SHFL: variants seen among roughly 807,000 people sequenced by gnomAD.
SHFL encodes the protein shiftless antiviral inhibitor of ribosomal frameshifting protein.
In SHFL, 12 loss-of-function variants were observed where a neutral mutation model predicts 34.7. The ratio of observed to expected loss-of-function variants is 0.35; its 90% CI spans 0.22 to 0.56. SHFL has a LOEUF of 0.56. SHFL is among the 20% of genes least tolerant of loss of function. The pLI is 0.88. For synonymous variants in SHFL, 148 were observed against 156.0 expected (o/e 0.95, Z 0.38); for missense variants, 278 against 411.1 (o/e 0.68, Z 2.80).
Position 10,091,341 on chromosome 19 carries a change from G to C in SHFL, c.476G>C (p.Arg159Pro). Reference sequence around the variant, plus strand: ...GCTGAGTTCCACTGCCCGAAGTGTCGGCACAACTTCCGGTGAGGGCGCTGA... The same window carrying C: ...GCTGAGTTCCACTGCCCGAAGTGTCCGCACAACTTCCGGTGAGGGCGCTGA... ...GLAEFHCPKC[R>P]HNFRGWAQMG... Residue 159 changes from arginine (R) to proline (P), a missense_variant, in exon 6 of 8, where the codon CGG becomes CCG. Arg to Pro is a moderately radical substitution (Grantham distance 103). This residue lies in a region of SHFL where 243 missense variants were observed against 386.2 expected (regional missense o/e 0.63). Coordinates refer to ENST00000253110, the MANE Select transcript of SHFL (RefSeq NM_018381.4). The surrounding 1 kb of genome is among the most constrained non-coding windows in gnomAD (Gnocchi z 8.2). 2.5e-6 allele frequency: 4 copies of C among 1,613,534 alleles called. No individual in the cohort carries two copies. Among genetic ancestry groups the C allele is most frequent in the Non-Finnish European group, 3.4e-6 (4 of 1,179,692 alleles).
Position 10,086,923 on chromosome 19 carries a change from TC to T in SHFL, c.22-3del. 1 of 1,613,240 alleles carries T rather than the reference TC, an allele frequency of 6.2e-7. No homozygotes were observed. Among genetic ancestry groups the T allele is most frequent in the South Asian group, 1.1e-5 (1 of 91,018 alleles). On this transcript the variant is annotated splice_region_variant and splice_polypyrimidine_tract_variant and intron_variant, in intron 1 of 7. Coordinates refer to ENST00000253110, the MANE Select transcript of SHFL (RefSeq NM_018381.4). The surrounding 1 kb of genome is among the most constrained non-coding windows in gnomAD (Gnocchi z 5.2). ...CCCCACCGGAACCCCCCTGTCTCCA[TC>T]CCAGCTGGAGAAGAGCGTCCGGCGC...
In SHFL at chr19:10,092,705, G is replaced by A; in HGVS notation, c.*403G>A. 2 of 1,613,992 alleles carry A rather than the reference G, an allele frequency of 1.2e-6. No individual in the cohort carries two copies. The highest frequency in any genetic ancestry group is 1.1e-5 in the South Asian group (1 of 91,078). ...CGGCTTCGGTAGTGGCCGCCGTGGT[G>A]CCACACACCGTTGAGGTTGGAGTGG... On this transcript the variant is annotated 3_prime_UTR_variant, in exon 8 of 8. Transcript: ENST00000253110.
rs763662125 is a variant in SHFL at position 10,091,054 on chromosome 19, T to C, written c.385-196T>C. Among the ~76,000 whole-genome samples, 1 of 152,178 alleles carries C rather than the reference T, an allele frequency of 6.6e-6. No individual in the cohort carries two copies. The highest frequency in any genetic ancestry group is 6.5e-5 in the Admixed American group (1 of 15,272). On this transcript the variant is annotated intron_variant, in intron 5 of 7. Coordinates refer to ENST00000253110, the MANE Select transcript of SHFL (RefSeq NM_018381.4). This position sits in a 1 kb window ranked among gnomAD's most constrained non-coding sequence, Gnocchi z 8.2. ...AAAAGAGGCAGGAAGCCAAGATGTG[T>C]AGTGTTTGCCAATTTCTGTGGTGTA... is the stretch of plus-strand genomic sequence containing the variant.
At chr19:10,089,013 TTGAG>T (rs1436687147) in intron 3 of SHFL, 7 of 304,604 alleles carry the variant, frequency 2.3e-5, no homozygotes, top group Admixed American at 1.6e-4. Flanking sequence ...GTAGCATTCA[TTGAG>T]TACTTCCCAC....
At chr19:10,087,414 T>C in intron 3 of SHFL, 114 bp downstream of exon 3, 1 of 1,118,172 alleles carries the variant, frequency 8.9e-7, no homozygotes, top group Non-Finnish European at 1.3e-6. Flanking sequence ...GACCAGGCAT[T>C]GTCGGTCCAT....
At position 10,091,571 on chromosome 19, in the gene SHFL, C is replaced by T. The variant is rs1385952821; in HGVS notation, c.584C>T (p.Pro195Leu). ...CTCCCCCCGCGCTGGGACCGGGACC[C>T]GGATCGCCGCAGCACCCACACTCAC... ...RILPPRWDRD[P>L]DRRSTHTHSC... The change falls in exon 7 of 8, where the codon CCG becomes CTG. Residue 195 changes from proline (P) to leucine (L), a missense_variant. Pro to Leu is a moderately conservative substitution (Grantham distance 98, BLOSUM62 -3). This residue lies in a region of SHFL where 243 missense variants were observed against 386.2 expected (regional missense o/e 0.63). Transcript: ENST00000253110. The surrounding 1 kb of genome is among the most constrained non-coding windows in gnomAD (Gnocchi z 8.2). 20 of 1,551,326 alleles carry T rather than the reference C, an allele frequency of 1.3e-5. No homozygotes were observed. The highest frequency in any genetic ancestry group is 3.6e-5 in the South Asian group (3 of 84,050).
At position 10,092,000 on chromosome 19, in the gene SHFL, C is replaced by G. The variant is rs563425462; in HGVS notation, c.644-70C>G. On this transcript the variant is annotated intron_variant, in intron 7 of 7. Coordinates refer to ENST00000253110, the MANE Select transcript of SHFL (RefSeq NM_018381.4). The surrounding 1 kb of genome is among the most constrained non-coding windows in gnomAD (Gnocchi z 8.2). ...GCTCCTCCCTAGAGCCCCGCGTGGC[C>G]TAAGTCCCCTCCTCCCCAGACTCTC... 9.2e-5 allele frequency: 147 copies of G among 1,599,806 alleles called. No individual in the cohort carries two copies. Among genetic ancestry groups the G allele is most frequent in the Non-Finnish European group, 1.1e-4 (134 of 1,173,706 alleles).
At chr19:10,089,855 G>C in intron 4 of SHFL, 43 bp from the exon 5 acceptor site, 1 of 1,599,820 alleles carries the variant, frequency 6.3e-7, no homozygotes, top group African/African-American at 1.3e-5. Flanking sequence ...GTGCAGAAGG[G>C]GTGACACCCC....
At chr19:10,087,120 A>G (rs1199433061) in intron 2 of SHFL, 68 bp downstream of exon 2, 1 of 1,591,266 alleles carries the variant, frequency 6.3e-7, no homozygotes, top group African/African-American at 1.3e-5. Flanking sequence ...GGCGTGGTCT[A>G]GGGAGAGGCG....
chr19:10,086,686 A>C lies in SHFL; in HGVS notation c.21+238A>C. 1.7e-6 allele frequency: 1 copy of C among 603,894 alleles called. No homozygotes were observed. The highest frequency in any genetic ancestry group is 2.9e-5 in the East Asian group (1 of 34,650). 37.4% of individuals were successfully genotyped at this position (603,894 alleles called of 1,614,324 possible). The stretch of plus-strand genomic sequence containing the variant: ...CAGGGTCAAAGGTCAGAGGCCAGAG[A>C]TAACCTGGCCGCCCCCCCACACCTT... On this transcript the variant is annotated intron_variant, in intron 1 of 7. Coordinates refer to ENST00000253110, the MANE Select transcript of SHFL (RefSeq NM_018381.4). This position sits in a 1 kb window ranked among gnomAD's most constrained non-coding sequence, Gnocchi z 5.2.
chr19:10,086,929 C>T lies in SHFL; in HGVS notation c.22C>T (p.Leu8=). MSQEGVE[L]EKSVRRLREK... is the part of the protein sequence containing the mutation. The stretch of plus-strand genomic sequence containing the variant: ...CGGAACCCCCCTGTCTCCATCCCAG[C>T]TGGAGAAGAGCGTCCGGCGCCTCCG... The change falls in exon 2 of 8, where the codon CTG becomes TTG. Residue 8 remains leucine, a splice_region_variant and synonymous_variant. Transcript: ENST00000253110. This position sits in a 1 kb window ranked among gnomAD's most constrained non-coding sequence, Gnocchi z 5.2. 1 of 1,613,692 alleles carries T rather than the reference C, an allele frequency of 6.2e-7. No homozygotes were observed. The highest frequency in any genetic ancestry group is 8.5e-7 in the Non-Finnish European group (1 of 1,179,724).
Position 10,086,848 on chromosome 19 carries a change from C to T in SHFL, c.22-81C>T. The T allele has an allele frequency of 6.5e-7, 1 of 1,528,164 alleles. No homozygotes were observed. Among genetic ancestry groups the T allele is most frequent in the Non-Finnish European group, 8.9e-7 (1 of 1,122,618 alleles). The allele number at this position is 1,528,164 out of a possible 1,614,324, so 94.7% of individuals were successfully genotyped here. ...CCAAAACCAAGGGTCAAGTTCGGGC[C>T]GGGAGAACGGTGCCTAGAGATGGGG... On this transcript the variant is annotated intron_variant, in intron 1 of 7. Coordinates refer to ENST00000253110, the MANE Select transcript of SHFL (RefSeq NM_018381.4). The surrounding 1 kb of genome is among the most constrained non-coding windows in gnomAD (Gnocchi z 5.2).
At chr19:10,089,600 G>C (rs554005233) in intron 3 of SHFL, 57 bp from the exon 4 acceptor site, 24 of 1,558,162 alleles carry the variant, frequency 1.5e-5, no homozygotes, top group Middle Eastern at 1.7e-4. Context: ...CCCAGCAAAC[G>C]GGTGGAAAGA....
chr19:10,092,363 A>G lies in SHFL; in HGVS notation c.*61A>G. ...TGTGGCTACTTTGTGTTATTATAAG[A>G]TATGAGCTCAAACCGAGATATGAAT... is the stretch of plus-strand genomic sequence containing the variant. On this transcript the variant is annotated 3_prime_UTR_variant, in exon 8 of 8. Coordinates refer to ENST00000253110, the MANE Select transcript of SHFL (RefSeq NM_018381.4). The G allele has an allele frequency of 6.5e-7, 1 of 1,540,166 alleles. No individual in the cohort carries two copies.
At position 10,087,060 on chromosome 19, in the gene SHFL, T is replaced by C; in HGVS notation, c.145+8T>C. ...GGCGCTCCATCGTGTACGGTGAGGC[T>C]GCAGGGGTCCCGGGCCTGGTGCGGG... On this transcript the variant is annotated splice_region_variant and intron_variant, in intron 2 of 7. Transcript: ENST00000253110. 1 of 1,609,728 alleles carries C rather than the reference T, an allele frequency of 6.2e-7. No homozygotes were observed. The highest frequency in any genetic ancestry group is 8.5e-7 in the Non-Finnish European group (1 of 1,177,872).
chr19:10,087,208 G>C, intron 2 of SHFL, 43 bp from the exon 3 acceptor site: 1 of 1,612,898 alleles, frequency 6.2e-7, no homozygotes, highest in Non-Finnish European at 8.5e-7. Context: ...AACTCCCACA[G>C]ACCCTTCAAG....
In SHFL at chr19:10,091,688, G is replaced by A. The variant is rs1287660235; in HGVS notation, c.643+58G>A. On this transcript the variant is annotated intron_variant, in intron 7 of 7. Transcript: ENST00000253110. This position sits in a 1 kb window ranked among gnomAD's most constrained non-coding sequence, Gnocchi z 8.2. ...TCTTTGTCCCCTTCTGTGCCTTTAA[G>A]TCCCCAAATCTCCACTCAGTCCACT... is the stretch of plus-strand genomic sequence containing the variant. 1.3e-6 allele frequency: 2 copies of A among 1,483,480 alleles called. No individual in the cohort carries two copies. Among genetic ancestry groups the A allele is most frequent in the African/African-American group, 2.8e-5 (2 of 71,196 alleles). The allele number at this position is 1,483,480 out of a possible 1,614,324, so 91.9% of individuals were successfully genotyped here.
chr19:10,091,373 G>C lies in SHFL; in HGVS notation c.488+20G>C, dbSNP rs376197563. On this transcript the variant is annotated intron_variant, in intron 6 of 7. Transcript: ENST00000253110. The surrounding 1 kb of genome is among the most constrained non-coding windows in gnomAD (Gnocchi z 8.2). Reference sequence around the variant, plus strand: ...CTTCCGGTGAGGGCGCTGACCCCCAGCTCCCCCTCAGCCCTGCCCTACCCC... The same window carrying C: ...CTTCCGGTGAGGGCGCTGACCCCCACCTCCCCCTCAGCCCTGCCCTACCCC... 2 of 1,609,012 alleles carry C rather than the reference G, an allele frequency of 1.2e-6. No homozygotes were observed. Among genetic ancestry groups the C allele is most frequent in the Non-Finnish European group, 1.7e-6 (2 of 1,177,096 alleles).
intron 4 of SHFL, 44 bp from the exon 5 acceptor site, chr19:10,089,854 G>A (rs1334045263): frequency 1.3e-6 from 2 of 1,599,414 alleles, no homozygotes; most frequent in Non-Finnish European, 8.5e-7. Flanking sequence ...GGTGCAGAAG[G>A]GGTGACACCC....
Sources: allele counts gnomAD v4.1 joint callset (sites outside exome capture counted in the v4.1 genomes callset), GRCh38; gene constraint gnomAD v4.1.1; regional missense constraint gnomAD v4.1.1; non-coding constraint Gnocchi (gnomAD v3.1); transcripts MANE v1.5; gene names NCBI Gene and HGNC (gene_info 2026-07-23, HGNC 2026-07-21).